The following TSHZ2 variants were observed in gnomAD, a reference collection of about 807,000 sequenced individuals.
TSHZ2 encodes the protein teashirt homolog 2.
In TSHZ2, 21 loss-of-function variants were observed where a neutral mutation model predicts 74.4. The observed-to-expected ratio is 0.28, with a 90% CI of 0.20 to 0.41. The LOEUF (loss-of-function observed/expected upper bound fraction) is 0.41. TSHZ2 is among the 10% of genes least tolerant of loss of function. The pLI is 1.00. For synonymous variants in TSHZ2, 540 were observed against 515.3 expected, an observed-to-expected ratio of 1.05 and a Z score of -0.65; for missense variants, 1,244 against 1,293.5, an observed-to-expected ratio of 0.96 and a Z score of 0.59.
chr20:53,349,854 A>T (rs770084880), intron 2 of TSHZ2, among the ~76,000 whole-genome samples: 5 of 152,210 alleles, frequency 3.3e-5, no homozygotes, highest in Non-Finnish European at 5.9e-5. Flanking sequence ...ATTATCTTTC[A>T]GTTCCAGAAG....
chr20:53,302,367 T>C (rs1345099147), intron 2 of TSHZ2, among the ~76,000 whole-genome samples: 1 of 152,126 alleles, frequency 6.6e-6, no homozygotes, highest in South Asian at 2.1e-4. Context: ...TTGAGACCCA[T>C]TTTGGCCTTA....
intron 2 of TSHZ2, among the ~76,000 whole-genome samples, chr20:53,366,280 C>T (rs1221100309): frequency 1.3e-5 from 2 of 152,216 alleles, no homozygotes; most frequent in Non-Finnish European, 2.9e-5. Context: ...TTCAGTCCCA[C>T]TGTCCACAGT....
intron 1 of TSHZ2, among the ~76,000 whole-genome samples, chr20:53,238,607 G>A (rs533325237): frequency 2.6e-5 from 4 of 152,068 alleles, no homozygotes; most frequent in Non-Finnish European, 4.4e-5. Flanking sequence ...TTAAACAAAT[G>A]ATCAGATATT....
rs1420033827 is a variant in TSHZ2 at position 53,063,996 on chromosome 20, GC to G, written c.40+90664del. The stretch of plus-strand genomic sequence containing the variant: ...AGTTATATTTCTTAATAGCGATGCA[GC>G]AAATTACTATATCTACATGGCAGGC... On this transcript the variant is annotated intron_variant, in intron 1 of 2. Transcript: ENST00000371497. 2.6e-5 allele frequency among the ~76,000 whole-genome samples: 4 copies of G among 152,274 alleles called. No homozygotes were observed. In the East Asian group the frequency reaches 7.7e-4, roughly 29 times the overall value.
At chr20:53,154,751 A>G (rs1384614667) in intron 1 of TSHZ2, among the ~76,000 whole-genome samples, 5 of 152,178 alleles carry the variant, frequency 3.3e-5, no homozygotes, top group East Asian at 1.9e-4. Flanking sequence ...TCTTATCTAT[A>G]AAGTGAGTAT....
Position 53,204,400 on chromosome 20 carries a change from C to A in TSHZ2, c.41-49099C>A, listed in dbSNP as rs200858391. On this transcript the variant is annotated intron_variant, in intron 1 of 2. Coordinates refer to ENST00000371497, the MANE Select transcript of TSHZ2 (RefSeq NM_173485.6). ...ACATGATGATATGATACTATATCAT[C>A]ATATAACATGATGATATGATACTAT... Among the ~76,000 whole-genome samples the A allele has an allele frequency of 3.8e-3, 496 of 131,516 alleles. 45 individuals carry two copies. The highest frequency in any genetic ancestry group is 0.015 in the African/African-American group (466 of 31,230). The allele number at this position is 131,516 out of a possible 152,430, so 86.3% of individuals were successfully genotyped here.
At chr20:52,975,215 G>A (rs996226386) in intron 1 of TSHZ2, among the ~76,000 whole-genome samples, 2 of 152,040 alleles carry the variant, frequency 1.3e-5, no homozygotes, top group South Asian at 2.1e-4. Flanking sequence ...CCTGGGCTAC[G>A]GTCCAGCAAG....
intron 2 of TSHZ2, among the ~76,000 whole-genome samples, chr20:53,479,179 A>T (rs898318192): frequency 8.2e-5 from 8 of 97,210 alleles, no homozygotes; most frequent in African/African-American, 3.6e-4. Context: ...TAAAAAAAAA[A>T]AAAAAAAAAG....
chr20:53,116,095 T>G (rs1182497659), intron 1 of TSHZ2, among the ~76,000 whole-genome samples: 1 of 152,224 alleles, frequency 6.6e-6, no homozygotes, highest in African/African-American at 2.4e-5. Context: ...CTTTCTGAGC[T>G]TCAGTTTTCT....
intron 1 of TSHZ2, among the ~76,000 whole-genome samples, chr20:53,051,055 G>C (rs1448013472): frequency 6.6e-6 from 1 of 152,144 alleles, no homozygotes; most frequent in Admixed American, 6.5e-5. Context: ...GAAGCATATT[G>C]TAGCTGGGCA....
chr20:53,194,721 G>A (rs1031577010), intron 1 of TSHZ2, among the ~76,000 whole-genome samples: 1 of 152,230 alleles, frequency 6.6e-6, no homozygotes, highest in Non-Finnish European at 1.5e-5. Flanking sequence ...TAAGGCCTGG[G>A]TAAGGCCTGG....
intron 1 of TSHZ2, among the ~76,000 whole-genome samples, chr20:53,016,259 C>A (rs187519259): frequency 1.3e-5 from 2 of 152,158 alleles, no homozygotes; most frequent in African/African-American, 4.8e-5. Flanking sequence ...CTCCTCCCTT[C>A]CCCTCCCCAC....
At chr20:53,217,322 G>A (rs1184832698) in intron 1 of TSHZ2, among the ~76,000 whole-genome samples, 2 of 152,138 alleles carry the variant, frequency 1.3e-5, no homozygotes, top group Non-Finnish European at 2.9e-5. Context: ...GAAGGGGCCT[G>A]GCCTCACCCG....
At chr20:53,398,195 G>C (rs1982527296) in intron 2 of TSHZ2, 1 of 152,112 alleles carries the variant, frequency 6.6e-6, no homozygotes, top group Non-Finnish European at 1.5e-5. Flanking sequence ...CAGGAAGACT[G>C]GATGACTTGC....
chr20:53,432,828 C>A (rs1424420700), intron 2 of TSHZ2, among the ~76,000 whole-genome samples: 1 of 152,188 alleles, frequency 6.6e-6, no homozygotes, highest in African/African-American at 2.4e-5. Context: ...TAAAAGGCAG[C>A]TTTACTTATA....
chr20:53,265,616 G>C (rs756132347), intron 2 of TSHZ2, among the ~76,000 whole-genome samples: 11 of 152,280 alleles, frequency 7.2e-5, no homozygotes, highest in African/African-American at 2.6e-4. Context: ...TGGCTCCCTC[G>C]GGGAAGCCCC....
intron 1 of TSHZ2, among the ~76,000 whole-genome samples, chr20:53,135,132 T>C (rs999152791): frequency 5.3e-5 from 8 of 152,182 alleles, no homozygotes; most frequent in Non-Finnish European, 2.9e-5. Context: ...GTCTGGTTGC[T>C]TTTTGTCTTA....
At chr20:53,114,257 A>C (rs976061786) in intron 1 of TSHZ2, among the ~76,000 whole-genome samples, 2 of 152,178 alleles carry the variant, frequency 1.3e-5, no homozygotes, top group Non-Finnish European at 2.9e-5. Context: ...TTCATGGACG[A>C]GTATACACAA....
At chr20:53,150,079 C>T (rs1420397571) in intron 1 of TSHZ2, among the ~76,000 whole-genome samples, 1 of 152,214 alleles carries the variant, frequency 6.6e-6, no homozygotes, top group Non-Finnish European at 1.5e-5. Flanking sequence ...TACTTATACA[C>T]CTCACTGTAA....
Sources: allele counts gnomAD v4.1 joint callset (sites outside exome capture counted in the v4.1 genomes callset), GRCh38; gene constraint gnomAD v4.1.1; transcripts MANE v1.5; gene names NCBI Gene and HGNC (gene_info 2026-07-23, HGNC 2026-07-21).